OFD1: variants seen among roughly 807,000 people sequenced by gnomAD.
The protein encoded by OFD1 is centriole and centriolar satellite protein OFD1.
OFD1 carries 12 observed loss-of-function variants against 81.4 expected under a neutral mutation model. The observed-to-expected ratio is 0.15, with a 90% CI of 0.09 to 0.24. OFD1 has a LOEUF of 0.24. OFD1 is among the 10% of genes least tolerant of loss of function. The pLI is 1.00. For missense variants in OFD1, 685 were observed against 733.9 expected, an observed-to-expected ratio of 0.93 and a Z score of 0.77; for synonymous variants, 256 against 263.7, an observed-to-expected ratio of 0.97 and a Z score of 0.28.
At chrX:13,717,053 A>AC in the OFD1 span, among the ~76,000 whole-genome samples, 1 of 105,550 alleles carries the variant, frequency 9.5e-6, no homozygotes, top group Non-Finnish European at 2.0e-5. Flanking sequence ...AAAAAAAAAA[A>AC]AAAAAAAAAA....
intron 21 of OFD1, 60 bp downstream of exon 21, chrX:13,768,284 T>A: frequency 1.1e-6 from 1 of 903,722 alleles, no homozygotes; most frequent in Non-Finnish European, 1.6e-6. Flanking sequence ...TTCCGTGGCT[T>A]AACTTCTTGG....
chrX:13,726,905 G>A, the OFD1 span, among the ~76,000 whole-genome samples: 8 of 111,929 alleles, frequency 7.1e-5, no homozygotes, highest in Non-Finnish European at 1.3e-4. Flanking sequence ...TAAAGGGATG[G>A]AGGAAGATCT....
the OFD1 span, chrX:13,714,540 G>T: frequency 1.2e-6 from 1 of 803,283 alleles, no homozygotes. Flanking sequence ...AAGCAAAAAA[G>T]CTGACAAATC....
chrX:13,731,079 GAA>G (rs1251375086), upstream of OFD1, among the ~76,000 whole-genome samples: 4 of 111,860 alleles, frequency 3.6e-5, no homozygotes, highest in Non-Finnish European at 7.5e-5. Flanking sequence ...AAAGAAAAAA[GAA>G]AACATCTAGA....
In OFD1 at chrX:13,751,346, A is replaced by C. The variant is rs1345693006; in HGVS notation, c.1033A>C (p.Lys345Gln). The C allele has an allele frequency of 9.2e-6, 11 of 1,200,564 alleles. No homozygotes were observed. The highest frequency in any genetic ancestry group is 1.2e-5 in the Non-Finnish European group (11 of 886,279). ...IKSFEETYDR[K>Q]LKNELLKYQL... ...GAGTTTTGAGGAGACCTATGACCGA[A>C]AGCTCAAGAATGAACTTCTAAAGTA... The change falls in exon 10 of 23, where the codon AAG becomes CAG. Residue 345 changes from lysine to glutamine, a missense_variant. By Grantham distance (53) the Lys-to-Gln change is moderately conservative (BLOSUM62 1). Coordinates refer to ENST00000340096, the MANE Select transcript of OFD1 (RefSeq NM_003611.3).
At chrX:13,772,400 C>G (rs41302641), downstream of OFD1, 481 of 112,875 alleles carry the variant, frequency 4.3e-3, 2 homozygotes, top group Middle Eastern at 0.023. Flanking sequence ...TAATAAATGT[C>G]AGCTGTCAGA....
rs1569117650 is a variant in OFD1 at position 13,744,450 on chromosome X, TATC to T, written c.453_455del (p.His151del). ...GCATTTTTTAAAAGAATTGGCAGAA[TATC>T]ATCAAGCTAAAGAGAGTTGTAATAT... On this transcript the variant is annotated inframe_deletion, in exon 6 of 23. Coordinates refer to ENST00000340096, the MANE Select transcript of OFD1 (RefSeq NM_003611.3). 5 of 1,187,698 alleles carry T rather than the reference TATC, an allele frequency of 4.2e-6. No homozygotes were observed. The highest frequency in any genetic ancestry group is 3.0e-5 in the East Asian group (1 of 33,769).
intron 20 of OFD1, 38 bp from the exon 21 acceptor site, chrX:13,768,016 G>A: frequency 2.6e-6 from 3 of 1,137,325 alleles, no homozygotes; most frequent in Non-Finnish European, 3.6e-6. Flanking sequence ...TTTTACAAAT[G>A]TATTTGTGTA....
At chrX:13,734,741 TTG>T, upstream of OFD1, 2 of 1,027,288 alleles carry the variant, frequency 1.9e-6, no homozygotes, top group Non-Finnish European at 2.5e-6. Context: ...TTTCCGGAAG[TTG>T]CCGGACTGGC....
At chrX:13,741,101 C>G (rs1231529765) in intron 5 of OFD1, among the ~76,000 whole-genome samples, 2 of 110,683 alleles carry the variant, frequency 1.8e-5, no homozygotes, top group Admixed American at 9.6e-5. Flanking sequence ...GATCACGCCA[C>G]TGCGCTCCAG....
At chrX:13,722,454 T>G in the OFD1 span, among the ~76,000 whole-genome samples, 26 of 110,996 alleles carry the variant, frequency 2.3e-4, no homozygotes, top group East Asian at 3.1e-3. Context: ...TTTATATACA[T>G]TCCATGCTTG....
chrX:13,756,078 C>T (rs928995223), intron 12 of OFD1, among the ~76,000 whole-genome samples: 2 of 107,194 alleles, frequency 1.9e-5, no homozygotes, highest in Non-Finnish European at 3.8e-5. Flanking sequence ...TCTCAGCTCC[C>T]AAGTAGCTGG....
chrX:13,741,009 G>A (rs1475836781), intron 5 of OFD1, among the ~76,000 whole-genome samples: 2 of 109,183 alleles, frequency 1.8e-5, no homozygotes, highest in African/African-American at 3.4e-5. Context: ...GCCTGGTGGC[G>A]TGCACCTGTA....
At chrX:13,760,757 G>C in intron 16 of OFD1, 37 bp downstream of exon 16, 1 of 1,207,912 alleles carries the variant, frequency 8.3e-7, no homozygotes. Flanking sequence ...GGGTGCTCTG[G>C]AGTTGGGTAG....
At chrX:13,756,870 T>C (rs1026130711) in intron 13 of OFD1, 103 bp downstream of exon 13, 4 of 639,850 alleles carry the variant, frequency 6.3e-6, no homozygotes, top group Non-Finnish European at 1.0e-5. Flanking sequence ...GGGGCTTACA[T>C]TGGGAAGATT....
At chrX:13,769,011 CAAAT>C in intron 22 of OFD1, 51 bp from the exon 23 acceptor site, 19 of 956,479 alleles carry the variant, frequency 2.0e-5, no homozygotes, top group Non-Finnish European at 2.9e-5. Context: ...ATGAAGATAG[CAAAT>C]AAACTTGACA....
rs138166016 is a variant in OFD1 at position 13,752,901 on chromosome X, T to C, written c.1056-467T>C. On this transcript the variant is annotated intron_variant, in intron 10 of 22. Transcript: ENST00000340096. ...GGTATTGCTAATCCGGATATAATGC[T>C]CTTGGCAGTTGGCTCTCAGGACTGT... 4.3e-6 allele frequency: 4 copies of C among 930,563 alleles called. No individual in the cohort carries two copies. In the African/African-American group the frequency reaches 6.2e-5, roughly 14 times the overall value. The allele number at this position is 930,563 out of a possible 1,213,427, so 76.7% of individuals were successfully genotyped here.
In OFD1 at chrX:13,755,223, A is replaced by G. The variant is rs757096465; in HGVS notation, c.1202A>G (p.Asn401Ser). Reference protein sequence around the residue: ...SKKEELNQSVNRVKELELELE... With the variant: ...SKKEELNQSVSRVKELELELE... ...AAGGAGGAACTCAATCAATCTGTAA[A>G]TCGTGTGAAAGAACTTGAGGTAATT... The change falls in exon 12 of 23, where the codon AAT (asparagine) becomes AGT (serine). Residue 401 changes from asparagine (N) to serine (S), a missense_variant. Physicochemically the swap from Asn to Ser is conservative, Grantham distance 46 (BLOSUM62 1). Around this residue, in one of 3 missense-constraint regions of OFD1, gnomAD observed 414 missense variants for 447.2 expected, o/e 0.93. Coordinates refer to ENST00000340096, the MANE Select transcript of OFD1 (RefSeq NM_003611.3). The G allele has an allele frequency of 1.7e-6, 2 of 1,189,772 alleles. No homozygotes were observed. The highest frequency in any genetic ancestry group is 1.1e-6 in the Non-Finnish European group (1 of 876,382).
intron 14 of OFD1, 27 bp downstream of exon 14, chrX:13,757,817 G>C (rs1193569685): frequency 8.3e-7 from 1 of 1,204,596 alleles, no homozygotes; most frequent in Non-Finnish European, 1.1e-6. Flanking sequence ...TTCAGTTCTA[G>C]TGTGATACCA....
Sources: allele counts gnomAD v4.1 joint callset (sites outside exome capture counted in the v4.1 genomes callset), GRCh38; gene constraint gnomAD v4.1.1; regional missense constraint gnomAD v4.1.1; transcripts MANE v1.5; gene names NCBI Gene and HGNC (gene_info 2026-07-23, HGNC 2026-07-21).